The following GPHN variants were observed in gnomAD, a reference collection of about 807,000 sequenced individuals.
The protein encoded by GPHN is gephyrin.
A neutral mutation model predicts 95.5 loss-of-function variants in GPHN; 17 were observed. The ratio of observed to expected loss-of-function variants is 0.18; its 90% CI spans 0.12 to 0.27. The LOEUF is 0.27. Among genes scored for constraint, GPHN ranks in the 10% least tolerant of loss-of-function variants. The pLI, the probability that GPHN is intolerant of heterozygous loss-of-function variation, is 1.00. For missense variants in GPHN, 660 were observed against 978.1 expected (o/e 0.67, Z 4.34); for synonymous variants, 320 against 322.5 (o/e 0.99, Z 0.08).
chr14:67,732,389 C>T, the GPHN span, among the ~76,000 whole-genome samples: 74 of 150,252 alleles, frequency 4.9e-4, no homozygotes, highest in African/African-American at 1.8e-3. Flanking sequence ...ATGATAGTGC[C>T]ACTGCACTCC....
intron 16 of GPHN, among the ~76,000 whole-genome samples, chr14:67,120,201 T>G (rs899999360): frequency 6.6e-6 from 1 of 152,140 alleles, no homozygotes; most frequent in African/African-American, 2.4e-5. Context: ...ACTTGGTGAC[T>G]TGATATGGAG....
the GPHN span, chr14:67,575,393 TA>T: frequency 6.3e-7 from 1 of 1,597,284 alleles, no homozygotes; most frequent in Non-Finnish European, 8.6e-7. Context: ...GTCTTACAGG[TA>T]AAGCATGGCC....
Position 67,181,463 on chromosome 14 carries a change from A to G in GPHN, c.*526A>G, listed in dbSNP as rs1426510640. On this transcript the variant is annotated 3_prime_UTR_variant, in exon 23 of 23. Coordinates refer to ENST00000478722, the MANE Select transcript of GPHN (RefSeq NM_020806.5). ...TGGGTGGAGGCTCTGCCTTGCCTCA[A>G]GAACCATCCCCTGCAGAGCATCCAG... The G allele has an allele frequency of 1.9e-6, 1 of 519,496 alleles. No homozygotes were observed. Among genetic ancestry groups the G allele is most frequent in the South Asian group, 1.5e-5 (1 of 64,888 alleles). 32.2% of individuals were successfully genotyped at this position (519,496 alleles called of 1,614,324 possible). A position where few individuals can be genotyped will look rare whatever the true frequency, so the allele number is the denominator to read the frequency against.
the GPHN span, among the ~76,000 whole-genome samples, chr14:67,327,315 GTTTT>G: frequency 1.3e-5 from 2 of 151,858 alleles, no homozygotes; most frequent in Non-Finnish European, 2.9e-5. Context: ...GTAAATGTAT[GTTTT>G]AATTGTATAA....
intron 2 of GPHN, among the ~76,000 whole-genome samples, chr14:66,759,095 C>T (rs548883712): frequency 2.0e-5 from 3 of 152,258 alleles, no homozygotes; most frequent in Middle Eastern, 3.4e-3. Flanking sequence ...TTATTTTTCA[C>T]GTAGGCTTTT....
chr14:67,483,200 G>A, the GPHN span, among the ~76,000 whole-genome samples: 8 of 152,160 alleles, frequency 5.3e-5, no homozygotes, highest in East Asian at 7.7e-4. Context: ...TAGTAAAGAC[G>A]AGGTTTCACC....
the GPHN span, among the ~76,000 whole-genome samples, chr14:67,484,018 A>T: frequency 2.6e-5 from 4 of 152,216 alleles, no homozygotes; most frequent in Non-Finnish European, 4.4e-5. Flanking sequence ...CTGGCATCCC[A>T]GACCTGTATG....
the GPHN span, among the ~76,000 whole-genome samples, chr14:67,344,899 AC>A: frequency 1.3e-5 from 2 of 150,356 alleles, no homozygotes; most frequent in Admixed American, 6.6e-5. Context: ...AAACAAACAA[AC>A]AAACAAAAAA....
chr14:67,688,906 C>T, the GPHN span, among the ~76,000 whole-genome samples: 1 of 152,310 alleles, frequency 6.6e-6, no homozygotes, highest in East Asian at 1.9e-4. Context: ...TCCCCTAACC[C>T]AGTGCACGGA....
chr14:67,326,897 G>A, the GPHN span, among the ~76,000 whole-genome samples: 5 of 152,206 alleles, frequency 3.3e-5, no homozygotes, highest in Non-Finnish European at 5.9e-5. Context: ...TTTGAGGGCC[G>A]GGCACAGTGG....
chr14:67,278,898 C>T, the GPHN span: 1 of 219,462 alleles, frequency 4.6e-6, no homozygotes, highest in Non-Finnish European at 8.9e-6. Context: ...ATCTACTTAA[C>T]AAAATAATAT....
At chr14:67,376,376 T>C in the GPHN span, 1 of 1,451,952 alleles carries the variant, frequency 6.9e-7, no homozygotes, top group African/African-American at 1.4e-5. Context: ...TTTACTAAAA[T>C]GTAAAAACAT....
chr14:67,151,045 A>G lies in GPHN; in HGVS notation c.1836+7596A>G, dbSNP rs995197943. ...GAAATATTTTATATAAGAACTTACT[A>G]TCTCTCTCAGCCAGTTAGAACAGGG... On this transcript the variant is annotated intron_variant, in intron 18 of 22. Transcript: ENST00000478722. 2.0e-5 allele frequency among the ~76,000 whole-genome samples: 3 copies of G among 152,344 alleles called. No homozygotes were observed. In the South Asian group the frequency reaches 6.2e-4, roughly 32 times the overall value.
chr14:66,953,027 G>C (rs2068214726), intron 8 of GPHN, among the ~76,000 whole-genome samples: 1 of 150,658 alleles, frequency 6.6e-6, no homozygotes, highest in African/African-American at 2.5e-5. Context: ...ATCTGAATGG[G>C]TGTGAAATGG....
At chr14:66,624,621 G>A (rs1419596333) in intron 1 of GPHN, among the ~76,000 whole-genome samples, 1 of 152,194 alleles carries the variant, frequency 6.6e-6, no homozygotes, top group Non-Finnish European at 1.5e-5. Flanking sequence ...TCTTGGACCA[G>A]GGGTTGAGAG....
intron 2 of GPHN, among the ~76,000 whole-genome samples, chr14:66,770,970 A>G (rs1427676540): frequency 2.0e-5 from 3 of 152,156 alleles, no homozygotes; most frequent in Non-Finnish European, 4.4e-5. Flanking sequence ...TATCCCGTAT[A>G]GATAAGAAAG....
At chr14:67,243,067 A>G in the GPHN span, among the ~76,000 whole-genome samples, 1 of 152,208 alleles carries the variant, frequency 6.6e-6, no homozygotes, top group Middle Eastern at 3.2e-3. Flanking sequence ...CCATTCCAAG[A>G]AATTTGATCA....
At chr14:66,511,903 T>A (rs924757680) in intron 1 of GPHN, among the ~76,000 whole-genome samples, 1 of 151,980 alleles carries the variant, frequency 6.6e-6, no homozygotes, top group Non-Finnish European at 1.5e-5. Flanking sequence ...TGTGGAAACA[T>A]TTTATGTTGA....
the GPHN span, chr14:67,573,385 C>T: frequency 4.7e-5 from 73 of 1,560,372 alleles, no homozygotes; most frequent in Non-Finnish European, 5.4e-5. The surrounding 1 kb of genome is among the most constrained non-coding windows in gnomAD (Gnocchi z 4.8). Flanking sequence ...TACAAGTCCC[C>T]GGTGAGAGTC....
Sources: gnomAD v4.1 joint callset for allele counts (sites outside exome capture counted in the v4.1 genomes callset) on GRCh38, gnomAD v4.1.1 for gene constraint, Gnocchi (gnomAD v3.1) non-coding constraint, MANE v1.5 for transcripts, NCBI Gene and HGNC (gene_info 2026-07-23, HGNC 2026-07-21) for gene names.